CEP68: variants seen among roughly 807,000 people sequenced by gnomAD.
The protein encoded by CEP68 is centrosomal protein 68, also known as centrosomal protein of 68 kDa.
Under a neutral mutation model 55.3 loss-of-function variants are expected in CEP68, and 26 were observed. The observed-to-expected ratio is 0.47, with a 90% CI of 0.34 to 0.65. CEP68 has a LOEUF of 0.65. Ranked by LOEUF, CEP68 falls within the 30% of genes least tolerant of loss-of-function variation. The pLI, the probability that CEP68 is intolerant of heterozygous loss-of-function variation, is 0.01. For missense variants in CEP68, 957 were observed against 946.7 expected, an observed-to-expected ratio of 1.01 and a Z score of -0.14; for synonymous variants, 402 against 383.2, an observed-to-expected ratio of 1.05 and a Z score of -0.57.
At chr2:65,073,266 G>A in intron 3 of CEP68, 1 of 458,116 alleles carries the variant, frequency 2.2e-6, no homozygotes, top group South Asian at 2.0e-5. Flanking sequence ...TGCAGAGGCT[G>A]AGCTCTTAGC....
At chr2:65,070,937 C>T (rs1392204360) in intron 2 of CEP68, 1 of 159,318 alleles carries the variant, frequency 6.3e-6, no homozygotes, top group Admixed American at 6.0e-5. Context: ...TCCTGCTTCC[C>T]TCGGGGGTGA....
At chr2:65,069,362 A>T in intron 1 of CEP68, 37 bp from the exon 2 acceptor site, 2 of 1,061,186 alleles carry the variant, frequency 1.9e-6, no homozygotes, top group Non-Finnish European at 1.3e-6. Flanking sequence ...CAGATGTAGA[A>T]GATTTATATT....
At chr2:65,075,918 G>A (rs962721884) in intron 4 of CEP68, among the ~76,000 whole-genome samples, 1 of 152,118 alleles carries the variant, frequency 6.6e-6, no homozygotes, top group Non-Finnish European at 1.5e-5. Flanking sequence ...CCAGCTAGAG[G>A]AAGGGAGGGG....
intron 4 of CEP68, among the ~76,000 whole-genome samples, chr2:65,077,160 T>A (rs2103790944): frequency 6.6e-6 from 1 of 152,088 alleles, no homozygotes; most frequent in Non-Finnish European, 1.5e-5. Flanking sequence ...CACACCCGGC[T>A]AATTTTTTTG....
At chr2:65,066,486 T>G (rs1676172005) in intron 1 of CEP68, among the ~76,000 whole-genome samples, 1 of 148,708 alleles carries the variant, frequency 6.7e-6, no homozygotes, top group East Asian at 2.0e-4. Context: ...TCCCAGCACT[T>G]TGGGAGGCTG....
Position 65,072,871 on chromosome 2 carries a change from C to T in CEP68, c.1775C>T (p.Ser592Phe). 1 of 1,614,212 alleles carries T rather than the reference C, an allele frequency of 6.2e-7. No homozygotes were observed. The highest frequency in any genetic ancestry group is 8.5e-7 in the Non-Finnish European group (1 of 1,180,040). Reference protein sequence around the residue: ...VSSGLLKTRPSLPARLDRWPF... With the variant: ...VSSGLLKTRPFLPARLDRWPF... ...TCTGGACTGCTGAAAACACGCCCCTCCTTGCCAGCTAGGTTGGACCGGTGG... is the reference window on the plus strand; with the variant it reads ...TCTGGACTGCTGAAAACACGCCCCTTCTTGCCAGCTAGGTTGGACCGGTGG... Residue 592 changes from serine to phenylalanine, a missense_variant, in exon 3 of 7, where the codon TCC becomes TTC. By Grantham distance (155) the Ser-to-Phe change is radical. Coordinates refer to ENST00000377990, the MANE Select transcript of CEP68 (RefSeq NM_015147.3).
At chr2:65,081,381 A>G (rs1029684695) in intron 5 of CEP68, among the ~76,000 whole-genome samples, 1 of 152,124 alleles carries the variant, frequency 6.6e-6, no homozygotes, top group Non-Finnish European at 1.5e-5. Context: ...GGAGATCTCA[A>G]TACAGCCAGC....
intron 1 of CEP68, among the ~76,000 whole-genome samples, chr2:65,058,886 G>C (rs918948113): frequency 7.2e-5 from 11 of 152,104 alleles, no homozygotes; most frequent in African/African-American, 2.7e-4. Flanking sequence ...AAGATTATCT[G>C]TTTATGTGTC....
chr2:65,070,371 C>T (rs1676402849), intron 2 of CEP68, among the ~76,000 whole-genome samples: 1 of 152,186 alleles, frequency 6.6e-6, no homozygotes, highest in African/African-American at 2.4e-5. Flanking sequence ...TCTGTGACTG[C>T]AGGCAAATCA....
chr2:65,073,164 T>C, intron 3 of CEP68, 184 bp downstream of exon 3: 1 of 753,486 alleles, frequency 1.3e-6, no homozygotes. Context: ...CTCATTTTAC[T>C]TTTTGGAGGA....
At chr2:65,070,448 C>A (rs1676406386) in intron 2 of CEP68, among the ~76,000 whole-genome samples, 1 of 151,650 alleles carries the variant, frequency 6.6e-6, no homozygotes, top group African/African-American at 2.4e-5. Flanking sequence ...CCAGCTCTTA[C>A]ATTCTTTTCT....
chr2:65,074,756 A>T, intron 4 of CEP68: 1 of 283,386 alleles, frequency 3.5e-6, no homozygotes, highest in Non-Finnish European at 6.9e-6. Context: ...CCTGAGCAAC[A>T]TAGCAAGACC....
intron 1 of CEP68, among the ~76,000 whole-genome samples, chr2:65,067,495 T>C (rs1379023253): frequency 4.6e-5 from 7 of 152,216 alleles, no homozygotes; most frequent in Admixed American, 3.9e-4. Context: ...TATCTAGTAG[T>C]AAATATTTTG....
intron 5 of CEP68, chr2:65,080,216 GTCC>G: frequency 1.0e-6 from 1 of 983,418 alleles, no homozygotes; most frequent in African/African-American, 1.7e-5. Flanking sequence ...TCTGTGCTTA[GTCC>G]CACTTTGCTC....
Position 65,072,386 on chromosome 2 carries a change from C to T in CEP68, c.1290C>T (p.His430=). Residue 430 remains histidine, a synonymous_variant, in exon 3 of 7, where the codon CAC becomes CAT. Transcript: ENST00000377990. ...AGGACCGGCTGACTATAGGCAAGCACCTTGATATGGGCTCTCCCCAGCTAA... is the reference window on the plus strand; with the variant it reads ...AGGACCGGCTGACTATAGGCAAGCATCTTGATATGGGCTCTCCCCAGCTAA... The part of the protein sequence containing the change: ...GAKDRLTIGK[H]LDMGSPQLRT... 1 of 1,613,916 alleles carries T rather than the reference C, an allele frequency of 6.2e-7. No individual in the cohort carries two copies. The highest frequency in any genetic ancestry group is 8.5e-7 in the Non-Finnish European group (1 of 1,180,026).
Position 65,083,969 on chromosome 2 carries a change from G to C in CEP68, c.*335G>C, listed in dbSNP as rs764145146. 1.3e-5 allele frequency: 2 copies of C among 152,136 alleles called. No individual in the cohort carries two copies. Among genetic ancestry groups the C allele is most frequent in the African/African-American group, 2.4e-5 (1 of 41,416 alleles). 9.4% of individuals were successfully genotyped at this position (152,136 alleles called of 1,614,324 possible). The stretch of plus-strand genomic sequence containing the variant: ...AAGCTCAAACTATTCCACCTGGTAG[G>C]GTCATTTACCAAGGGCTGGTAGGAG... On this transcript the variant is annotated 3_prime_UTR_variant, in exon 7 of 7. Transcript: ENST00000377990.
At chr2:65,075,966 A>G (rs530812853) in intron 4 of CEP68, among the ~76,000 whole-genome samples, 1 of 152,082 alleles carries the variant, frequency 6.6e-6, no homozygotes, top group East Asian at 2.0e-4. Context: ...AAGTGTAGGG[A>G]GGAGCCTTGC....
intron 5 of CEP68, among the ~76,000 whole-genome samples, chr2:65,080,802 G>A (rs1676975618): frequency 1.3e-5 from 2 of 152,066 alleles, no homozygotes; most frequent in Admixed American, 1.3e-4. Context: ...TGGGCAACAA[G>A]AGTAAGACTC....
intron 1 of CEP68, among the ~76,000 whole-genome samples, chr2:65,058,212 A>G (rs754450037): frequency 1.3e-5 from 2 of 152,094 alleles, no homozygotes; most frequent in East Asian, 3.9e-4. Context: ...TCCTTATCCG[A>G]TCCCTTTTTT....
Sources: gnomAD v4.1 joint callset for allele counts (sites outside exome capture counted in the v4.1 genomes callset) on GRCh38, gnomAD v4.1.1 for gene constraint, MANE v1.5 for transcripts, NCBI Gene and HGNC (gene_info 2026-07-23, HGNC 2026-07-21) for gene names.